RIMS2: variants seen among roughly 807,000 people sequenced by gnomAD.
RIMS2 encodes regulating synaptic membrane exocytosis 2.
Under a neutral mutation model 174.4 loss-of-function variants are expected in RIMS2, and 59 were observed. The observed-to-expected ratio is 0.34, with a 90% confidence interval of 0.27 to 0.42. The LOEUF is 0.42. Ranked by LOEUF, RIMS2 falls within the 10% of genes least tolerant of loss-of-function variation. The probability of loss-of-function intolerance (pLI) is 1.00; values close to 1 mark genes in which losing one functional copy is unlikely to be tolerated. For synonymous variants in RIMS2, 606 were observed against 572.5 expected (o/e 1.06, Z -0.84); for missense variants, 1,620 against 1,666.3 (o/e 0.97, Z 0.48).
intron 3 of RIMS2, among the ~76,000 whole-genome samples, chr8:103,767,420 C>T (rs909174954): frequency 2.0e-5 from 3 of 151,970 alleles, no homozygotes; most frequent in South Asian, 4.1e-4. Flanking sequence ...TCTCATGACC[C>T]GTGATCTGCC....
At chr8:103,613,495 A>G (rs995178650) in intron 1 of RIMS2, among the ~76,000 whole-genome samples, 1 of 152,190 alleles carries the variant, frequency 6.6e-6, no homozygotes, top group Non-Finnish European at 1.5e-5. Flanking sequence ...ATTCTCTCCA[A>G]GAGCCTAAGC....
At chr8:103,909,982 A>T (rs923861148) in intron 4 of RIMS2, 14 of 398,300 alleles carry the variant, frequency 3.5e-5, no homozygotes, top group Middle Eastern at 6.7e-4. Flanking sequence ...GCATATATAT[A>T]GCACTCACTA....
chr8:103,897,239 A>T (rs1565183176), intron 4 of RIMS2, among the ~76,000 whole-genome samples: 1 of 151,652 alleles, frequency 6.6e-6, no homozygotes, highest in South Asian at 2.1e-4. Context: ...CACAAAGTGG[A>T]TGGCCATCTG....
intron 1 of RIMS2, among the ~76,000 whole-genome samples, chr8:103,520,469 C>G (rs1467482292): frequency 6.6e-6 from 1 of 152,064 alleles, no homozygotes; most frequent in East Asian, 1.9e-4. Flanking sequence ...AAATTGCTCT[C>G]TTGGGGTAAG....
At chr8:103,909,417 A>AT (rs1305869750) in intron 4 of RIMS2, among the ~76,000 whole-genome samples, 2 of 152,060 alleles carry the variant, frequency 1.3e-5, no homozygotes, top group Non-Finnish European at 2.9e-5. Flanking sequence ...GTCTGACAAA[A>AT]TTTTTTGTAA....
At chr8:104,155,092 G>GT (rs1335225830) in intron 19 of RIMS2, among the ~76,000 whole-genome samples, 1 of 151,424 alleles carries the variant, frequency 6.6e-6, no homozygotes, top group Admixed American at 6.6e-5. Context: ...AGTTTTTTTT[G>GT]TTTTTTGTTG....
chr8:104,004,805 A>G (rs1196118949), intron 17 of RIMS2, among the ~76,000 whole-genome samples: 1 of 152,196 alleles, frequency 6.6e-6, no homozygotes, highest in Non-Finnish European at 1.5e-5. Flanking sequence ...GAAAGAAGCT[A>G]TTATTTACCA....
At chr8:104,179,713 GT>G (rs200183382) in intron 19 of RIMS2, among the ~76,000 whole-genome samples, 45 of 145,746 alleles carry the variant, frequency 3.1e-4, no homozygotes, top group Middle Eastern at 7.0e-3. Context: ...TTATTACCTT[GT>G]TTTTTTTTTC....
At chr8:103,643,532 T>C (rs901737793) in intron 1 of RIMS2, among the ~76,000 whole-genome samples, 5 of 152,178 alleles carry the variant, frequency 3.3e-5, no homozygotes, top group Non-Finnish European at 7.4e-5. Context: ...TATGACATTT[T>C]ATGTTTATCT....
At chr8:103,885,233 A>G in intron 3 of RIMS2, 65 bp from the exon 7 acceptor site, 9 of 1,473,178 alleles carry the variant, frequency 6.1e-6, no homozygotes, top group Non-Finnish European at 8.1e-6. Context: ...CTGCCAGCAA[A>G]TCAATGAAAT....
At chr8:104,081,926 G>T (rs150261594) in intron 19 of RIMS2, among the ~76,000 whole-genome samples, 29 of 152,046 alleles carry the variant, frequency 1.9e-4, no homozygotes, top group African/African-American at 7.0e-4. Context: ...CAAAAAAGTG[G>T]TTATATGAGT....
At chr8:103,536,807 C>T (rs1292338340) in intron 1 of RIMS2, among the ~76,000 whole-genome samples, 1 of 152,208 alleles carries the variant, frequency 6.6e-6, no homozygotes, top group African/African-American at 2.4e-5. Context: ...CACTGGGGAT[C>T]ACAATTCGAT....
At chr8:104,112,528 G>A (rs1423201745) in intron 19 of RIMS2, among the ~76,000 whole-genome samples, 1 of 152,068 alleles carries the variant, frequency 6.6e-6, no homozygotes, top group East Asian at 1.9e-4. Context: ...TTGAGAGACT[G>A]ACAGACCAGA....
At chr8:103,988,628 T>C (rs1389771781) in intron 16 of RIMS2, among the ~76,000 whole-genome samples, 1 of 152,038 alleles carries the variant, frequency 6.6e-6, no homozygotes, top group Non-Finnish European at 1.5e-5. Flanking sequence ...CCTTGCTGAT[T>C]TTTTATTTTT....
chr8:103,849,051 T>A (rs1047356044), intron 3 of RIMS2, among the ~76,000 whole-genome samples: 11 of 152,096 alleles, frequency 7.2e-5, no homozygotes, highest in African/African-American at 2.7e-4. Flanking sequence ...TTACAATTAC[T>A]GTTTCTCTCA....
At chr8:103,862,575 CATG>C (rs2099064482) in intron 3 of RIMS2, among the ~76,000 whole-genome samples, 1 of 151,910 alleles carries the variant, frequency 6.6e-6, no homozygotes, top group South Asian at 2.1e-4. Flanking sequence ...TGGTCATCTC[CATG>C]ATATTACCTC....
intron 3 of RIMS2, among the ~76,000 whole-genome samples, chr8:103,786,480 T>G (rs1411906705): frequency 6.6e-6 from 1 of 152,162 alleles, no homozygotes; most frequent in Non-Finnish European, 1.5e-5. Context: ...GTCTTTGTTC[T>G]CGTTGGTTTC....
intron 1 of RIMS2, among the ~76,000 whole-genome samples, chr8:103,659,601 G>A (rs2096572250): frequency 6.6e-6 from 1 of 152,182 alleles, no homozygotes; most frequent in Non-Finnish European, 1.5e-5. Context: ...TACTGCTGCA[G>A]CAGCTGCTAC....
Position 103,971,674 on chromosome 8 carries a change from C to T in RIMS2, c.2771-3676C>T, listed in dbSNP as rs544689016. On this transcript the variant is annotated intron_variant, in intron 15 of 23. Transcript: ENST00000504942. ...GCAACCTCCACCTCCCGGGTTCAAG[C>T]AATGCGTCTGCCTCAGCCTCCCGAG... is the stretch of plus-strand genomic sequence containing the variant. 8.6e-5 allele frequency among the ~76,000 whole-genome samples: 13 copies of T among 152,010 alleles called. No individual in the cohort carries two copies. The South Asian group carries it at 2.7e-3, about 32-fold the overall frequency.
Sources: gnomAD v4.1 joint callset for allele counts (sites outside exome capture counted in the v4.1 genomes callset) on GRCh38, gnomAD v4.1.1 for gene constraint, MANE v1.5 for transcripts, NCBI Gene and HGNC (gene_info 2026-07-23, HGNC 2026-07-21) for gene names.